The following NIPA2 variants were observed in gnomAD, a reference collection of about 807,000 sequenced individuals.
The protein encoded by NIPA2 is NIPA magnesium transporter 2.
NIPA2 carries 11 observed loss-of-function variants against 29.7 expected under a neutral mutation model. That is an observed-to-expected ratio of 0.37 (90% CI 0.23 to 0.61). NIPA2 has a LOEUF of 0.61. Among genes scored for constraint, NIPA2 ranks in the 20% least tolerant of loss-of-function variants. NIPA2 has a pLI of 0.66. For synonymous variants in NIPA2, 183 were observed against 161.9 expected (o/e 1.13, Z -0.99); for missense variants, 426 against 437.9 (o/e 0.97, Z 0.24).
chr15:22,863,815 G>A (rs2058781908), intron 7 of NIPA2, among the ~76,000 whole-genome samples: 1 of 152,148 alleles, frequency 6.6e-6, no homozygotes. Context: ...GGTGAGTGTT[G>A]GGCTGATTCT....
At chr15:22,865,806 A>T (rs2059003483) in intron 7 of NIPA2, among the ~76,000 whole-genome samples, 1 of 151,512 alleles carries the variant, frequency 6.6e-6, no homozygotes, top group African/African-American at 2.5e-5. Context: ...TTTAGGGAAA[A>T]CTTGATGAAG....
At chr15:22,839,313 T>C (rs1018592457) in intron 1 of NIPA2, 3 of 152,248 alleles carry the variant, frequency 2.0e-5, no homozygotes, top group Non-Finnish European at 4.4e-5. Flanking sequence ...TTTCCCTCTC[T>C]ATACAATTGC....
At chr15:22,848,461 C>T in intron 3 of NIPA2, among the ~76,000 whole-genome samples, 1 of 152,202 alleles carries the variant, frequency 6.6e-6, no homozygotes, top group Non-Finnish European at 1.5e-5. Context: ...CTCCTGGTTT[C>T]AAGCAATCCT....
chr15:22,866,158 G>C, intron 7 of NIPA2, 55 bp from the exon 8 acceptor site: 1 of 1,432,748 alleles, frequency 7.0e-7, no homozygotes. Flanking sequence ...TTTGCATTCT[G>C]TGTTTAAGAA....
chr15:22,846,402 A>C (rs1487637515), intron 3 of NIPA2, among the ~76,000 whole-genome samples: 2 of 152,204 alleles, frequency 1.3e-5, no homozygotes, highest in South Asian at 2.1e-4. Context: ...CTGGCTCTTA[A>C]TGTTAGACCT....
At chr15:22,853,299 T>A (rs1252551049) in intron 5 of NIPA2, 31 bp downstream of exon 5, 1 of 1,403,112 alleles carries the variant, frequency 7.1e-7, no homozygotes, top group Non-Finnish European at 1.0e-6. Context: ...AAGAAAAATA[T>A]GATAGCTATA....
At chr15:22,864,250 G>A (rs1326307733) in intron 7 of NIPA2, among the ~76,000 whole-genome samples, 2 of 151,998 alleles carry the variant, frequency 1.3e-5, no homozygotes, top group African/African-American at 2.4e-5. Context: ...CCCCTCCCGG[G>A]TTCACGCCAT....
At chr15:22,860,347 A>G (rs577147091) in intron 6 of NIPA2, among the ~76,000 whole-genome samples, 30 of 152,286 alleles carry the variant, frequency 2.0e-4, no homozygotes, top group African/African-American at 5.3e-4. Context: ...TTAGGATATA[A>G]ATGTATACAA....
chr15:22,866,961 T>TAA lies in NIPA2; in HGVS notation c.*116_*117dup, dbSNP rs1270418986. ...TAATGTTCTTTAAAGGCAATCTTTTTAAAGATTTCACTAATTTGGACCAAG... is the reference window on the plus strand; with the variant it reads ...TAATGTTCTTTAAAGGCAATCTTTTTAAAAAGATTTCACTAATTTGGACCAAG... On this transcript the variant is annotated 3_prime_UTR_variant, in exon 8 of 8. Transcript: ENST00000337451. 27 of 1,047,194 alleles carry TAA rather than the reference T, an allele frequency of 2.6e-5. No homozygotes were observed. In the South Asian group the frequency reaches 3.6e-4, roughly 14 times the overall value. The allele number at this position is 1,047,194 out of a possible 1,614,324, so 64.9% of individuals were successfully genotyped here. A position where few individuals can be genotyped will look rare whatever the true frequency, so the allele number is the denominator to read the frequency against.
intron 3 of NIPA2, among the ~76,000 whole-genome samples, chr15:22,846,321 G>A (rs988594781): frequency 1.4e-4 from 21 of 152,160 alleles, no homozygotes; most frequent in Non-Finnish European, 2.5e-4. Flanking sequence ...TTGGCATCTT[G>A]GGGAGGGAAG....
At chr15:22,848,189 G>A (rs2057423680) in intron 3 of NIPA2, among the ~76,000 whole-genome samples, 1 of 152,134 alleles carries the variant, frequency 6.6e-6, no homozygotes, top group Non-Finnish European at 1.5e-5. Context: ...CAGGAGGGCT[G>A]AAGCGTTTGG....
chr15:22,856,268 A>ATAAAGC lies in NIPA2; in HGVS notation c.197-2267_197-2262dup, dbSNP rs1185618078. The stretch of plus-strand genomic sequence containing the variant: ...AGGTTCTGGCATTATCCAGAAGGAA[A>ATAAAGC]TAAAGCTAAATATTAATATTAGACT... On this transcript the variant is annotated intron_variant, in intron 5 of 7. Coordinates refer to ENST00000337451, the MANE Select transcript of NIPA2 (RefSeq NM_030922.7). Among the ~76,000 whole-genome samples the ATAAAGC allele has an allele frequency of 4.7e-4, 71 of 152,228 alleles. 2 individuals are homozygous for ATAAAGC.
chr15:22,847,500 T>C (rs1899111668), intron 3 of NIPA2, among the ~76,000 whole-genome samples: 1 of 151,990 alleles, frequency 6.6e-6, no homozygotes, highest in Admixed American at 6.6e-5. Flanking sequence ...AGTCTTGCTC[T>C]GTCACCTAGG....
intron 6 of NIPA2, among the ~76,000 whole-genome samples, chr15:22,858,859 G>C (rs2058400869): frequency 6.6e-6 from 1 of 152,154 alleles, no homozygotes; most frequent in South Asian, 2.1e-4. Flanking sequence ...GCCAGTACTA[G>C]TTCTACTTCG....
At chr15:22,855,841 C>T (rs566228394) in intron 5 of NIPA2, among the ~76,000 whole-genome samples, 152 of 152,202 alleles carry the variant, frequency 1.0e-3, no homozygotes, top group African/African-American at 3.6e-3. Context: ...CTGTGAAGGC[C>T]ACGAGTGGGG....
chr15:22,843,300 C>G (rs976683082), intron 2 of NIPA2, among the ~76,000 whole-genome samples: 1 of 151,878 alleles, frequency 6.6e-6, no homozygotes, highest in African/African-American at 2.4e-5. Context: ...GTCAGGAGAT[C>G]GAGACCATCC....
chr15:22,847,109 T>G (rs745835777), intron 3 of NIPA2, among the ~76,000 whole-genome samples: 18 of 151,992 alleles, frequency 1.2e-4, no homozygotes, highest in Admixed American at 2.6e-4. Flanking sequence ...TTTCTCCATG[T>G]TGGTCAGGCT....
At chr15:22,865,683 A>G (rs1435538156) in intron 7 of NIPA2, among the ~76,000 whole-genome samples, 3 of 152,122 alleles carry the variant, frequency 2.0e-5, no homozygotes, top group African/African-American at 7.2e-5. Context: ...GGCTATTATC[A>G]TGCTGGATTT....
At chr15:22,861,376 T>G (rs1347871976) in intron 7 of NIPA2, among the ~76,000 whole-genome samples, 2 of 152,180 alleles carry the variant, frequency 1.3e-5, no homozygotes, top group Non-Finnish European at 2.9e-5. Flanking sequence ...TATCTGCATT[T>G]CTCTTCAGCA....
Sources: gnomAD v4.1 joint callset for allele counts (sites outside exome capture counted in the v4.1 genomes callset) on GRCh38, gnomAD v4.1.1 for gene constraint, MANE v1.5 for transcripts, NCBI Gene and HGNC (gene_info 2026-07-23, HGNC 2026-07-21) for gene names.